TET3: variants seen among roughly 807,000 people sequenced by gnomAD.
TET3 encodes methylcytosine dioxygenase TET3.
TET3 carries 19 observed loss-of-function variants against 141.4 expected under a neutral mutation model. The ratio of observed to expected loss-of-function variants is 0.13; its 90% CI spans 0.09 to 0.20. TET3 has a LOEUF of 0.20. TET3 is among the 10% of genes least tolerant of loss of function. TET3 has a pLI of 1.00. For missense variants in TET3, 1,874 were observed against 2,356.9 expected (o/e 0.80, Z 4.24); for synonymous variants, 1,043 against 980.9 (o/e 1.06, Z -1.18).
chr2:73,995,750 T>G (rs1395848515), intron 2 of TET3, among the ~76,000 whole-genome samples: 1 of 152,186 alleles, frequency 6.6e-6, no homozygotes, highest in Non-Finnish European at 1.5e-5. Context: ...TGACCCTGTG[T>G]GGTCCCTGAA....
chr2:74,044,106 G>A (rs113493093), intron 3 of TET3, among the ~76,000 whole-genome samples: 2 of 152,148 alleles, frequency 1.3e-5, no homozygotes, highest in African/African-American at 2.4e-5. Context: ...GGAGTTCAAG[G>A]CTGCAGTGAA....
At chr2:74,088,240 C>T (rs1271501770) in intron 7 of TET3, among the ~76,000 whole-genome samples, 3 of 152,148 alleles carry the variant, frequency 2.0e-5, no homozygotes, top group Non-Finnish European at 2.9e-5. Flanking sequence ...TCCAGAGGGT[C>T]TACTAGTTTG....
chr2:74,080,891 C>T (rs1226739675), intron 6 of TET3, among the ~76,000 whole-genome samples: 1 of 152,196 alleles, frequency 6.6e-6, no homozygotes, highest in East Asian at 1.9e-4. Context: ...TCGGCTCATC[C>T]TGTCCCCGTG....
At chr2:74,023,069 C>T (rs1349261513) in intron 3 of TET3, among the ~76,000 whole-genome samples, 1 of 152,124 alleles carries the variant, frequency 6.6e-6, no homozygotes, top group African/African-American at 2.4e-5. Context: ...AGCCACTGCG[C>T]ACGGCCTTAT....
chr2:74,049,261 C>T (rs971045713), intron 4 of TET3, among the ~76,000 whole-genome samples: 3 of 151,752 alleles, frequency 2.0e-5, no homozygotes, highest in Non-Finnish European at 4.4e-5. Flanking sequence ...TCCCACTGGA[C>T]GAGCCACATC....
rs752823324 is a variant in TET3 at position 74,101,474 on chromosome 2, A to G, written c.4686A>G (p.Gly1562=). 2.7e-5 allele frequency: 43 copies of G among 1,613,310 alleles called. No homozygotes were observed. Among genetic ancestry groups the G allele is most frequent in the Non-Finnish European group, 3.6e-5 (43 of 1,179,762 alleles). ...FQDKLWNPMK[G]EEGRIPAAGA... ...ACAAGCTGTGGAACCCCATGAAAGGAGAGGAGGGCAGGATTCCAGCCGCAG... is the reference window on the plus strand; with the variant it reads ...ACAAGCTGTGGAACCCCATGAAAGGGGAGGAGGGCAGGATTCCAGCCGCAG... The change falls in exon 12 of 12, where the codon GGA becomes GGG. Residue 1562 remains glycine (G), a synonymous_variant. Coordinates refer to ENST00000409262, the MANE Select transcript of TET3 (RefSeq NM_001287491.2). This position sits in a 1 kb window ranked among gnomAD's most constrained non-coding sequence, Gnocchi z 8.5.
chr2:74,125,530 T>C, the TET3 span, among the ~76,000 whole-genome samples: 76 of 152,336 alleles, frequency 5.0e-4, no homozygotes, highest in Non-Finnish European at 9.7e-4. Context: ...ACTGTGTCAT[T>C]TGAAATTCCA....
intron 4 of TET3, among the ~76,000 whole-genome samples, chr2:74,072,848 T>C (rs1226104876): frequency 6.6e-6 from 1 of 152,226 alleles, no homozygotes; most frequent in Non-Finnish European, 1.5e-5. Context: ...TCCTACAGTA[T>C]TTGTCCTTTG....
intron 5 of TET3, among the ~76,000 whole-genome samples, chr2:74,076,167 T>TC (rs1689493120): frequency 6.6e-6 from 1 of 152,196 alleles, no homozygotes; most frequent in African/African-American, 2.4e-5. Flanking sequence ...GTCTTTTTTT[T>TC]TTTACCCCCT....
intron 4 of TET3, among the ~76,000 whole-genome samples, chr2:74,060,983 A>G (rs2103820564): frequency 6.6e-6 from 1 of 151,958 alleles, no homozygotes; most frequent in South Asian, 2.1e-4. Context: ...TTTCTATTCC[A>G]CAAAACCGCC....
rs187867196 is a variant in TET3, at chr2:74,015,684, A to G, written c.360+12518A>G. On this transcript the variant is annotated intron_variant, in intron 3 of 11. Transcript: ENST00000409262. ...GCAATTATAAATGTTGAGGTTATCA[A>G]TATATTTGTATATAGATTTTTTTGG... 5.9e-5 allele frequency among the ~76,000 whole-genome samples: 9 copies of G among 152,334 alleles called. No individual in the cohort carries two copies. The East Asian group carries it at 1.7e-3, about 29-fold the overall frequency.
chr2:74,031,602 C>G (rs1389930914), intron 3 of TET3, among the ~76,000 whole-genome samples: 1 of 152,124 alleles, frequency 6.6e-6, no homozygotes, highest in Non-Finnish European at 1.5e-5. Flanking sequence ...TTTGTGCTCC[C>G]CAATTTCCTG....
chr2:74,024,189 T>C (rs763262161), intron 3 of TET3, among the ~76,000 whole-genome samples: 4 of 152,228 alleles, frequency 2.6e-5, no homozygotes, highest in Admixed American at 6.5e-5. Flanking sequence ...TTGTATTCCT[T>C]TCAGTTAGCA....
At chr2:74,108,613 T>C (rs1419740518), downstream of TET3, among the ~76,000 whole-genome samples, 1 of 152,238 alleles carries the variant, frequency 6.6e-6, no homozygotes, top group Non-Finnish European at 1.5e-5. Context: ...CCCGAGATTC[T>C]GCTGACCAGC....
intron 6 of TET3, among the ~76,000 whole-genome samples, chr2:74,085,098 G>T (rs1001285917): frequency 2.0e-5 from 3 of 151,878 alleles, no homozygotes; most frequent in Non-Finnish European, 4.4e-5. Flanking sequence ...GCCACTAAAC[G>T]GTGTACTTTG....
chr2:74,128,716 G>A, the TET3 span, among the ~76,000 whole-genome samples: 10 of 151,624 alleles, frequency 6.6e-5, no homozygotes, highest in Admixed American at 5.3e-4. Flanking sequence ...AAAAGGCTGG[G>A]CTTATGCTTG....
the TET3 span, chr2:74,122,592 T>A: frequency 1.4e-5 from 2 of 140,880 alleles, no homozygotes; most frequent in Non-Finnish European, 3.1e-5. Context: ...TGGCTTACTG[T>A]AGCCTCGACC....
the TET3 span, among the ~76,000 whole-genome samples, chr2:74,122,643 A>C: frequency 7.5e-6 from 1 of 133,742 alleles, no homozygotes; most frequent in South Asian, 2.5e-4. Context: ...CCTCCCAAGT[A>C]GCTGGGACTA....
At chr2:74,086,451 T>C (rs1208005231) in intron 6 of TET3, among the ~76,000 whole-genome samples, 1 of 152,018 alleles carries the variant, frequency 6.6e-6, no homozygotes, top group Non-Finnish European at 1.5e-5. Context: ...AAGCATATAA[T>C]TCAATGGTTT....
Sources: gnomAD v4.1 joint callset for allele counts (sites outside exome capture counted in the v4.1 genomes callset) on GRCh38, gnomAD v4.1.1 for gene constraint, Gnocchi (gnomAD v3.1) non-coding constraint, MANE v1.5 for transcripts, NCBI Gene and HGNC (gene_info 2026-07-23, HGNC 2026-07-21) for gene names.